ZBBX: variants seen among roughly 807,000 people sequenced by gnomAD.
ZBBX encodes zinc finger B-box domain-containing protein 1.
A neutral mutation model predicts 108.5 loss-of-function variants in ZBBX; 101 were observed. That is an observed-to-expected ratio of 0.93 (90% CI 0.79 to 1.10). The LOEUF (loss-of-function observed/expected upper bound fraction) is 1.10. Ranked by LOEUF, ZBBX falls within the 50% of genes least tolerant of loss-of-function variation. ZBBX has a pLI of 0.00. For synonymous variants in ZBBX, 356 were observed against 323.4 expected (o/e 1.10, Z -1.08); for missense variants, 1,009 against 941.4 (o/e 1.07, Z -0.94).
chr3:167,279,821 G>A (rs1412738293), intron 20 of ZBBX, among the ~76,000 whole-genome samples: 1 of 152,136 alleles, frequency 6.6e-6, no homozygotes, highest in Non-Finnish European at 1.5e-5. Flanking sequence ...CAAAGCTGGA[G>A]GCATCATACT....
In ZBBX at chr3:167,387,137, T is replaced by C. The variant is rs148251735; in HGVS notation, c.-445-6732A>G. Among the ~76,000 whole-genome samples the C allele has an allele frequency of 3.5e-4, 54 of 152,154 alleles. 1 individual carries two copies. The East Asian group carries it at 8.7e-3, about 25-fold the overall frequency. ...TTCACATTAATTCAGAAAATTACAATGCACCTAACATGGCTAGCTTTGGTG... is the reference window on the plus strand; with the variant it reads ...TTCACATTAATTCAGAAAATTACAACGCACCTAACATGGCTAGCTTTGGTG... On this transcript the variant is annotated intron_variant, in intron 1 of 21. Transcript: ENST00000455345.
At chr3:167,179,735 T>G in the ZBBX span, among the ~76,000 whole-genome samples, 2 of 152,198 alleles carry the variant, frequency 1.3e-5, no homozygotes, top group Admixed American at 6.5e-5. Flanking sequence ...TGAGCCAGAA[T>G]AAGAAGTTTT....
chr3:167,178,410 T>C, the ZBBX span, among the ~76,000 whole-genome samples: 7 of 152,338 alleles, frequency 4.6e-5, no homozygotes, highest in Non-Finnish European at 7.3e-5. Context: ...TCACTGTGAC[T>C]GGTTGTCCTG....
chr3:167,341,415 T>C (rs1740516228), intron 9 of ZBBX, among the ~76,000 whole-genome samples: 1 of 151,796 alleles, frequency 6.6e-6, no homozygotes, highest in Admixed American at 6.6e-5. Flanking sequence ...GTTAAAATAT[T>C]TTAAAATAAG....
chr3:167,197,203 A>C, the ZBBX span, among the ~76,000 whole-genome samples: 1 of 152,206 alleles, frequency 6.6e-6, no homozygotes, highest in Non-Finnish European at 1.5e-5. Context: ...GAATAGAATT[A>C]TACAAAAATC....
intron 9 of ZBBX, among the ~76,000 whole-genome samples, chr3:167,347,163 T>C (rs1040249350): frequency 4.6e-5 from 7 of 151,968 alleles, no homozygotes; most frequent in Non-Finnish European, 1.0e-4. Flanking sequence ...AGGGAGTACG[T>C]AGTACAATTT....
At chr3:167,213,653 T>C in the ZBBX span, among the ~76,000 whole-genome samples, 3 of 152,188 alleles carry the variant, frequency 2.0e-5, no homozygotes, top group African/African-American at 7.2e-5. Context: ...CTTCCCCAAC[T>C]TTGCTAGAGA....
intron 17 of ZBBX, among the ~76,000 whole-genome samples, chr3:167,301,714 T>C (rs935460129): frequency 6.6e-6 from 1 of 152,134 alleles, no homozygotes; most frequent in Admixed American, 6.5e-5. Flanking sequence ...TCCCAGCACT[T>C]TGGGAGGCCA....
chr3:167,340,287 C>G (rs912874665), intron 9 of ZBBX, among the ~76,000 whole-genome samples: 5 of 152,026 alleles, frequency 3.3e-5, no homozygotes, highest in African/African-American at 1.2e-4. Flanking sequence ...ATAGACCTAA[C>G]TACATCAAGC....
chr3:167,360,341 T>G (rs1744306071), intron 7 of ZBBX, among the ~76,000 whole-genome samples: 1 of 151,256 alleles, frequency 6.6e-6, no homozygotes. Context: ...TTTTAAAAAT[T>G]TTCTAGAGTG....
intron 1 of ZBBX, among the ~76,000 whole-genome samples, chr3:167,399,730 T>A (rs1408752502): frequency 6.6e-6 from 1 of 152,174 alleles, no homozygotes; most frequent in African/African-American, 2.4e-5. Flanking sequence ...TATTTTAGCC[T>A]CATGGATACA....
Position 167,245,321 on chromosome 3 carries a change from C to A in ZBBX, c.2255-2678G>T, listed in dbSNP as rs141015960. Among the ~76,000 whole-genome samples the A allele has an allele frequency of 9.2e-3, 1,396 of 152,312 alleles. 15 individuals carry two copies. The highest frequency in any genetic ancestry group is 0.031 in the African/African-American group (1,294 of 41,572). ...GAGCTTGCAGTGAGCTGAGATCGCACCACTGCACTCCAGCCTGGGCGACAA... is the reference window on the plus strand; with the variant it reads ...GAGCTTGCAGTGAGCTGAGATCGCAACACTGCACTCCAGCCTGGGCGACAA... On this transcript the variant is annotated intron_variant, in intron 20 of 21. Transcript: ENST00000675490.
downstream of ZBBX, among the ~76,000 whole-genome samples, chr3:167,238,635 A>C (rs1406127494): frequency 6.6e-6 from 1 of 152,068 alleles, no homozygotes; most frequent in Non-Finnish European, 1.5e-5. Flanking sequence ...TTGAGTCTGG[A>C]GTCATGGCTA....
chr3:167,328,831 C>T (rs1285369764), intron 10 of ZBBX, among the ~76,000 whole-genome samples: 1 of 152,146 alleles, frequency 6.6e-6, no homozygotes, highest in Non-Finnish European at 1.5e-5. Flanking sequence ...GAGAGTTCCT[C>T]ACTACCAATT....
the ZBBX span, among the ~76,000 whole-genome samples, chr3:167,233,003 G>T: frequency 4.6e-5 from 7 of 151,438 alleles, no homozygotes; most frequent in Non-Finnish European, 1.0e-4. Context: ...TTTCCTTAAT[G>T]TCCCTTTCCT....
At chr3:167,182,780 T>C in the ZBBX span, among the ~76,000 whole-genome samples, 1 of 137,124 alleles carries the variant, frequency 7.3e-6, no homozygotes, top group Non-Finnish European at 1.6e-5. Context: ...AGCAATATTC[T>C]TTAACAGTCC....
At chr3:167,381,086 C>T (rs1747683440), upstream of ZBBX, among the ~76,000 whole-genome samples, 1 of 151,992 alleles carries the variant, frequency 6.6e-6, no homozygotes, top group Non-Finnish European at 1.5e-5. Context: ...TGTCTCGGTA[C>T]CAGACTAACA....
chr3:167,332,552 C>G (rs968386721), intron 10 of ZBBX, among the ~76,000 whole-genome samples: 3 of 152,094 alleles, frequency 2.0e-5, no homozygotes, highest in African/African-American at 4.8e-5. Context: ...AGGCTAGTTA[C>G]TGAATCTCTC....
intron 16 of ZBBX, among the ~76,000 whole-genome samples, chr3:167,309,317 G>A (rs1734191935): frequency 6.6e-6 from 1 of 152,168 alleles, no homozygotes; most frequent in South Asian, 2.1e-4. Flanking sequence ...GGAGGATGGT[G>A]GCTCTCTTCT....
Sources: gnomAD v4.1 joint callset for allele counts (sites outside exome capture counted in the v4.1 genomes callset) on GRCh38, gnomAD v4.1.1 for gene constraint, MANE v1.5 for transcripts, NCBI Gene and HGNC (gene_info 2026-07-23, HGNC 2026-07-21) for gene names.